Variants in THSD7B observed in about 807,000 individuals in gnomAD.
THSD7B encodes thrombospondin type-1 domain-containing protein 7B.
THSD7B carries 138 observed loss-of-function variants against 213.6 expected under a neutral mutation model. The ratio of observed to expected loss-of-function variants is 0.65; its 90% CI spans 0.56 to 0.74. The LOEUF (loss-of-function observed/expected upper bound fraction) is 0.74, where lower values mean the gene tolerates loss of function less well. Among genes scored for constraint, THSD7B ranks in the 30% least tolerant of loss-of-function variants. The probability of loss-of-function intolerance (pLI) is 0.00; values close to 1 mark genes in which losing one functional copy is unlikely to be tolerated. For synonymous variants in THSD7B, 742 were observed against 687.0 expected, an observed-to-expected ratio of 1.08 and a Z score of -1.25; for missense variants, 1,931 against 1,991.5, an observed-to-expected ratio of 0.97 and a Z score of 0.58.
In THSD7B at chr2:137,508,406, TCG is replaced by T. The variant is rs560671910; in HGVS notation, c.3139-54813_3139-54812del. Among the ~76,000 whole-genome samples, 975 of 143,070 alleles carry T rather than the reference TCG, an allele frequency of 6.8e-3. 14 individuals carry two copies. The highest frequency in any genetic ancestry group is 0.025 in the African/African-American group (926 of 37,670). 93.9% of individuals were successfully genotyped at this position (143,070 alleles called of 152,430 possible). A position where few individuals can be genotyped will look rare whatever the true frequency, so the allele number is the denominator to read the frequency against. ...TTTTTTTTTTTTTTTTGAGACAGTC[TCG>T]CTGTGTCGCCCAGGCTGGAGTGCAG... is the stretch of plus-strand genomic sequence containing the variant. On this transcript the variant is annotated intron_variant, in intron 15 of 27. Transcript: ENST00000409968.
chr2:137,618,248 A>C (rs1004765977), intron 18 of THSD7B, 144 bp from the exon 19 acceptor site: 4 of 637,460 alleles, frequency 6.3e-6, no homozygotes, highest in Non-Finnish European at 1.1e-5. Flanking sequence ...AGGGCATTGC[A>C]TGATGATTCC....
chr2:136,879,414 C>A lies in THSD7B; in HGVS notation c.-35-2730C>A, dbSNP rs144775338. Among the ~76,000 whole-genome samples, 95 of 152,162 alleles carry A rather than the reference C, an allele frequency of 6.2e-4. 1 individual carries two copies. In the East Asian group the frequency reaches 0.017, roughly 28 times the overall value. ...TGGCAATGTGTGCTCTTTTTTGGTT[C>A]CACATGAACGTTAAAGTAGTTTTTT... On this transcript the variant is annotated intron_variant, in intron 1 of 27. Coordinates refer to ENST00000409968, the MANE Select transcript of THSD7B (RefSeq NM_001316349.2).
At chr2:137,255,103 A>G (rs1164289190) in intron 10 of THSD7B, among the ~76,000 whole-genome samples, 1 of 152,206 alleles carries the variant, frequency 6.6e-6, no homozygotes, top group Non-Finnish European at 1.5e-5. Flanking sequence ...AAGGTCATAC[A>G]TGGTCTTGAA....
At position 137,493,840 on chromosome 2, in the gene THSD7B, C is replaced by T. The variant is rs186628711; in HGVS notation, c.3138+42817C>T. On this transcript the variant is annotated intron_variant, in intron 15 of 27. Transcript: ENST00000409968. ...AGAGTGATGCCAATCCAAGGGGAAA[C>T]GTACCTAGCCCTGGATATGATACCC... 5.0e-3 allele frequency among the ~76,000 whole-genome samples: 763 copies of T among 152,256 alleles called. 8 individuals carry two copies. The highest frequency in any genetic ancestry group is 0.017 in the African/African-American group (720 of 41,556).
At chr2:136,885,257 C>T (rs1299235210) in intron 2 of THSD7B, among the ~76,000 whole-genome samples, 1 of 151,870 alleles carries the variant, frequency 6.6e-6, no homozygotes, top group East Asian at 1.9e-4. Flanking sequence ...CACCCCCACA[C>T]CCCAAATCGG....
At chr2:137,518,295 C>A (rs1680112929) in intron 15 of THSD7B, among the ~76,000 whole-genome samples, 1 of 152,178 alleles carries the variant, frequency 6.6e-6, no homozygotes, top group Non-Finnish European at 1.5e-5. Flanking sequence ...ACAGCTGCAG[C>A]ACTACAGCCC....
chr2:137,166,400 A>C (rs1434558603), intron 6 of THSD7B, among the ~76,000 whole-genome samples: 1 of 152,214 alleles, frequency 6.6e-6, no homozygotes, highest in Non-Finnish European at 1.5e-5. Context: ...CTTGATATAT[A>C]GACACACATT....
At chr2:137,066,477 A>G (rs775682894) in intron 3 of THSD7B, among the ~76,000 whole-genome samples, 1 of 152,100 alleles carries the variant, frequency 6.6e-6, no homozygotes, top group Admixed American at 6.6e-5. Context: ...TACAGGCGTG[A>G]GCCACTGCAA....
At chr2:136,898,424 C>T (rs906527964) in intron 2 of THSD7B, among the ~76,000 whole-genome samples, 21 of 152,010 alleles carry the variant, frequency 1.4e-4, no homozygotes, top group African/African-American at 4.6e-4. Flanking sequence ...TGCCCGCCTC[C>T]GTCTTCCAAA....
chr2:136,971,912 C>A (rs1685411523), intron 2 of THSD7B, among the ~76,000 whole-genome samples: 1 of 152,126 alleles, frequency 6.6e-6, no homozygotes, highest in East Asian at 1.9e-4. Flanking sequence ...TCTCTCTGCT[C>A]TTTTGGCTTT....
intron 17 of THSD7B, among the ~76,000 whole-genome samples, chr2:137,580,737 A>G (rs1681556010): frequency 6.6e-6 from 1 of 152,224 alleles, no homozygotes; most frequent in African/African-American, 2.4e-5. Context: ...GTTTCTGGGA[A>G]GGCCTCAGGA....
At chr2:137,620,865 G>A (rs956030266) in intron 20 of THSD7B, 139 bp downstream of exon 20, 3 of 664,058 alleles carry the variant, frequency 4.5e-6, no homozygotes, top group Non-Finnish European at 7.6e-6. Context: ...AAGAAAAACA[G>A]AGCCTGGCCT....
intron 2 of THSD7B, among the ~76,000 whole-genome samples, chr2:136,923,663 G>T (rs1684473936): frequency 6.6e-6 from 1 of 152,128 alleles, no homozygotes; most frequent in Admixed American, 6.6e-5. Context: ...TGGGGGCGAG[G>T]TGTTATCTCT....
At chr2:137,559,806 A>G (rs1286628975) in intron 15 of THSD7B, among the ~76,000 whole-genome samples, 2 of 152,218 alleles carry the variant, frequency 1.3e-5, no homozygotes, top group African/African-American at 2.4e-5. Context: ...AATTTTTGCA[A>G]TCTACTCATC....
At chr2:136,933,876 A>G (rs72617049) in intron 2 of THSD7B, among the ~76,000 whole-genome samples, 26,319 of 152,142 alleles carry the variant, frequency 0.17, 2,785 homozygotes, top group East Asian at 0.45. Flanking sequence ...GTGGCAGATT[A>G]CTAAGAAATA....
chr2:136,855,759 A>G (rs1271940792), intron 1 of THSD7B, among the ~76,000 whole-genome samples: 1 of 151,960 alleles, frequency 6.6e-6, no homozygotes, highest in Non-Finnish European at 1.5e-5. Context: ...GGCGTGAGCC[A>G]TCACGCCCGG....
At chr2:137,103,366 A>G (rs1688184950) in intron 4 of THSD7B, among the ~76,000 whole-genome samples, 1 of 152,218 alleles carries the variant, frequency 6.6e-6, no homozygotes, top group African/African-American at 2.4e-5. Context: ...CCTGCCTCAC[A>G]AGAGCTCCTG....
intron 12 of THSD7B, among the ~76,000 whole-genome samples, chr2:137,282,237 T>G (rs1199986441): frequency 6.6e-6 from 1 of 152,066 alleles, no homozygotes; most frequent in Non-Finnish European, 1.5e-5. Flanking sequence ...CTTTGCCCAC[T>G]TGTTGATGGG....
intron 10 of THSD7B, among the ~76,000 whole-genome samples, chr2:137,255,338 C>T (rs1387632538): frequency 2.0e-5 from 3 of 152,040 alleles, no homozygotes; most frequent in South Asian, 2.1e-4. Context: ...TCTGAGCAGA[C>T]GTATCCCAAA....
Sources: gnomAD v4.1 joint callset for allele counts (sites outside exome capture counted in the v4.1 genomes callset) on GRCh38, gnomAD v4.1.1 for gene constraint, MANE v1.5 for transcripts, NCBI Gene and HGNC (gene_info 2026-07-23, HGNC 2026-07-21) for gene names.